The following REV3L variants were observed in gnomAD, a reference collection of about 807,000 sequenced individuals.
REV3L encodes REV3 like, DNA directed polymerase zeta catalytic subunit.
Under a neutral mutation model 299.4 loss-of-function variants are expected in REV3L, and 69 were observed. The observed-to-expected ratio is 0.23, with a 90% CI of 0.19 to 0.28. The LOEUF is 0.28. Ranked by LOEUF, REV3L falls within the 10% of genes least tolerant of loss-of-function variation. REV3L has a pLI of 1.00. For missense variants in REV3L, 3,128 were observed against 3,693.8 expected, an observed-to-expected ratio of 0.85 and a Z score of 3.97; for synonymous variants, 1,238 against 1,271.4, an observed-to-expected ratio of 0.97 and a Z score of 0.56.
intron 1 of REV3L, among the ~76,000 whole-genome samples, chr6:111,433,190 C>T (rs531053222): frequency 7.2e-5 from 11 of 151,748 alleles, no homozygotes; most frequent in East Asian, 1.9e-4. Context: ...TAAATAGTAG[C>T]GATCAAATCA....
chr6:111,331,895 A>C (rs17072577), intron 23 of REV3L, 111 bp from the exon 24 acceptor site: 5 of 709,606 alleles, frequency 7.0e-6, no homozygotes, highest in African/African-American at 5.5e-5. Flanking sequence ...TCAAACATCT[A>C]AACAAGAATT....
intron 21 of REV3L, among the ~76,000 whole-genome samples, chr6:111,342,025 A>T (rs1776545609): frequency 6.6e-6 from 1 of 152,036 alleles, no homozygotes; most frequent in African/African-American, 2.4e-5. Flanking sequence ...CCTACTCTAG[A>T]TAAAACTTAA....
intron 2 of REV3L, among the ~76,000 whole-genome samples, chr6:111,414,068 GT>G (rs1784524591): frequency 6.6e-6 from 1 of 151,904 alleles, no homozygotes; most frequent in Admixed American, 6.6e-5. Flanking sequence ...CTAGCATGCA[GT>G]TTACATGCTA....
chr6:111,483,398 C>A, upstream of REV3L: 1 of 445,710 alleles, frequency 2.2e-6, no homozygotes, highest in Non-Finnish European at 4.0e-6. Flanking sequence ...GCGAGGGAGG[C>A]GGCCGGCGGC....
At chr6:111,313,582 A>G in intron 27 of REV3L, 93 bp from the exon 28 acceptor site, 2 of 1,278,540 alleles carry the variant, frequency 1.6e-6, no homozygotes, top group Non-Finnish European at 1.1e-6. Flanking sequence ...TTAATCAAGT[A>G]TCAATTATTT....
chr6:111,404,877 C>A (rs1053903915), intron 4 of REV3L, among the ~76,000 whole-genome samples: 1 of 152,028 alleles, frequency 6.6e-6, no homozygotes, highest in Non-Finnish European at 1.5e-5. Context: ...GCTTGCACAG[C>A]CCACTGAGAT....
chr6:111,412,483 G>C (rs1281816298), intron 2 of REV3L, among the ~76,000 whole-genome samples: 1 of 152,106 alleles, frequency 6.6e-6, no homozygotes, highest in Admixed American at 6.5e-5. Flanking sequence ...GCGTAAATTT[G>C]TGAATGAAAT....
At chr6:111,302,605 C>A (rs1278902841) in intron 31 of REV3L, among the ~76,000 whole-genome samples, 3 of 151,908 alleles carry the variant, frequency 2.0e-5, no homozygotes, top group African/African-American at 4.8e-5. Flanking sequence ...CTTTCTTGTT[C>A]AAAAAAAATT....
At chr6:111,303,125 A>G (rs1415099403) in intron 31 of REV3L, among the ~76,000 whole-genome samples, 1 of 134,854 alleles carries the variant, frequency 7.4e-6, no homozygotes, top group Non-Finnish European at 1.6e-5. Flanking sequence ...CATTTGTAAT[A>G]TTTCTACTTT....
chr6:111,465,039 A>G (rs1039684960), intron 1 of REV3L, among the ~76,000 whole-genome samples: 3 of 152,066 alleles, frequency 2.0e-5, no homozygotes, highest in Non-Finnish European at 4.4e-5. Flanking sequence ...CTATGCTGCA[A>G]AAGTCACACA....
intron 9 of REV3L, among the ~76,000 whole-genome samples, chr6:111,382,537 G>A (rs1012616894): frequency 6.6e-6 from 1 of 152,158 alleles, no homozygotes; most frequent in African/African-American, 2.4e-5. Flanking sequence ...ATGAGGAGAG[G>A]ATTTGACCAG....
intron 1 of REV3L, among the ~76,000 whole-genome samples, chr6:111,417,961 C>T (rs1784939432): frequency 1.3e-5 from 2 of 152,260 alleles, no homozygotes; most frequent in South Asian, 4.1e-4. Flanking sequence ...GGTATTAATT[C>T]CTAAATTTCA....
intron 1 of REV3L, among the ~76,000 whole-genome samples, chr6:111,433,368 C>A (rs1294599457): frequency 5.3e-5 from 8 of 151,968 alleles, no homozygotes; most frequent in Non-Finnish European, 1.0e-4. Context: ...GATAAAACAA[C>A]TGAGACCACA....
intron 1 of REV3L, among the ~76,000 whole-genome samples, chr6:111,468,498 C>T (rs751281943): frequency 2.6e-5 from 4 of 151,952 alleles, no homozygotes; most frequent in African/African-American, 9.7e-5. Flanking sequence ...AAGGAAATAC[C>T]ATAAGGGCCT....
At chr6:111,429,789 G>A (rs1054254521) in intron 1 of REV3L, among the ~76,000 whole-genome samples, 12 of 152,036 alleles carry the variant, frequency 7.9e-5, no homozygotes, top group South Asian at 2.1e-4. Flanking sequence ...GGCCTGGCGC[G>A]GGGGGTGAGC....
Position 111,374,651 on chromosome 6 carries a change from G to A in REV3L, c.3704C>T (p.Ser1235Phe). 6.2e-7 allele frequency: 1 copy of A among 1,613,556 alleles called. No homozygotes were observed. The highest frequency in any genetic ancestry group is 8.5e-7 in the Non-Finnish European group (1 of 1,179,828). The change falls in exon 13 of 32, where the codon TCT (serine) becomes TTT (phenylalanine). Residue 1235 changes from serine to phenylalanine, a missense_variant. Coordinates refer to ENST00000368802, the MANE Select transcript of REV3L (RefSeq NM_001372078.1). ...TLKDEKIKSQ[S>F]GAEVKFVLKH... is the part of the protein sequence containing the mutation. ...CAGTACAAACTTAACCTCAGCACCA[G>A]ACTGAGATTTTATTTTTTCATCCTT...
At chr6:111,342,971 C>T (rs1390560281) in intron 21 of REV3L, among the ~76,000 whole-genome samples, 1 of 152,114 alleles carries the variant, frequency 6.6e-6, no homozygotes, top group African/African-American at 2.4e-5. Context: ...AAGACATCTT[C>T]ATATAAACAA....
rs1780028480 is a variant in REV3L at position 111,373,782 on chromosome 6, A to T, written c.4573T>A (p.Ser1525Thr). 6.2e-7 allele frequency: 1 copy of T among 1,613,940 alleles called. No homozygotes were observed. Among genetic ancestry groups the T allele is most frequent in the Non-Finnish European group, 8.5e-7 (1 of 1,179,982 alleles). The change falls in exon 13 of 32, where the codon TCT (serine) becomes ACT (threonine). Residue 1525 changes from serine to threonine, a missense_variant. Around this residue, in one of 9 missense-constraint regions of REV3L, gnomAD observed 2,409 missense variants for 2,611.8 expected, o/e 0.92. Transcript: ENST00000368802. ...STPSAFGEGQ[S>T]GLAVLKELLQ... ...AATTCTTTTAGAACTGCCAGTCCAG[A>T]CTGTCCTTCACCAAATGCTGAAGGT...
chr6:111,364,002 C>CAG (rs1160370752), intron 15 of REV3L, 24 bp from the exon 16 acceptor site: 3 of 1,589,564 alleles, frequency 1.9e-6, no homozygotes, highest in Non-Finnish European at 2.6e-6. Context: ...CACACACACA[C>CAG]ACAGCCAGAA....
Sources: allele counts gnomAD v4.1 joint callset (sites outside exome capture counted in the v4.1 genomes callset), GRCh38; gene constraint gnomAD v4.1.1; regional missense constraint gnomAD v4.1.1; transcripts MANE v1.5; gene names NCBI Gene and HGNC (gene_info 2026-07-23, HGNC 2026-07-21).